Variants in GNA13 observed in about 807,000 individuals in gnomAD.
GNA13 encodes G protein subunit alpha 13.
GNA13 carries 4 observed loss-of-function variants against 33.5 expected under a neutral mutation model. The ratio of observed to expected loss-of-function variants is 0.12; its 90% CI spans 0.06 to 0.27. The LOEUF is 0.27. GNA13 is among the 10% of genes least tolerant of loss of function. The probability of loss-of-function intolerance (pLI) is 1.00; values close to 1 mark genes in which losing one functional copy is unlikely to be tolerated. For missense variants in GNA13, 319 were observed against 487.2 expected, an observed-to-expected ratio of 0.65 and a Z score of 3.25; for synonymous variants, 176 against 183.8, an observed-to-expected ratio of 0.96 and a Z score of 0.34.
intron 1 of GNA13, among the ~76,000 whole-genome samples, chr17:65,055,066 AGGGGGCGGGGG>A (rs1907993401): frequency 6.8e-5 from 1 of 14,800 alleles, no homozygotes; most frequent in Admixed American, 8.4e-4. Flanking sequence ...GTTGGCGGGG[AGGGGGCGGGGG>A]GGTGACATGC....
chr17:65,051,669 A>G (rs1028467730), intron 2 of GNA13, among the ~76,000 whole-genome samples: 1 of 152,200 alleles, frequency 6.6e-6, no homozygotes, highest in Non-Finnish European at 1.5e-5. Context: ...GGGTATATGG[A>G]AGAACTCATG....
In GNA13 at chr17:65,010,027, G is replaced by C. The variant is rs1598475146; in HGVS notation, c.*4230C>G. On this transcript the variant is annotated 3_prime_UTR_variant, in exon 4 of 4. Coordinates refer to ENST00000439174, the MANE Select transcript of GNA13 (RefSeq NM_006572.6). ...CTGTAAACTTTCATCATCAACAGCA[G>C]ATTTGTATATGTCACAAAACTCTCC... is the stretch of plus-strand genomic sequence containing the variant. Among the ~76,000 whole-genome samples the C allele has an allele frequency of 2.0e-5, 3 of 152,284 alleles. No homozygotes were observed. Among genetic ancestry groups the C allele is most frequent in the Admixed American group, 6.5e-5 (1 of 15,296 alleles).
At chr17:65,056,266 A>T in intron 1 of GNA13, 45 bp downstream of exon 1, 1 of 358,614 alleles carries the variant, frequency 2.8e-6, no homozygotes, top group Non-Finnish European at 4.5e-6. Flanking sequence ...CCGCCGCCCC[A>T]GCCCCCCTGC....
chr17:65,029,767 G>C (rs1906935236), intron 2 of GNA13, among the ~76,000 whole-genome samples: 2 of 152,122 alleles, frequency 1.3e-5, no homozygotes, highest in South Asian at 4.1e-4. Context: ...AACATCTGTT[G>C]AATTTTTTGT....
intron 2 of GNA13, among the ~76,000 whole-genome samples, chr17:65,042,357 CAA>C (rs369887415): frequency 8.2e-4 from 51 of 62,250 alleles, no homozygotes; most frequent in African/African-American, 1.1e-3. Flanking sequence ...AACTCCGTCT[CAA>C]AAAAAAAAAA....
intron 2 of GNA13, among the ~76,000 whole-genome samples, chr17:65,042,195 C>T (rs1907480415): frequency 6.6e-6 from 1 of 151,874 alleles, no homozygotes; most frequent in South Asian, 2.1e-4. Flanking sequence ...CTTGTCTCTA[C>T]TAAAAATACA....
intron 2 of GNA13, among the ~76,000 whole-genome samples, chr17:65,035,056 A>T (rs1036355971): frequency 1.6e-4 from 24 of 152,232 alleles, no homozygotes; most frequent in Non-Finnish European, 2.6e-4. Flanking sequence ...AAGTGTTGGG[A>T]TTACAGGCAT....
At position 65,033,944 on chromosome 17, in the gene GNA13, C is replaced by T. The variant is rs141282920; in HGVS notation, c.511-15641G>A. Reference sequence around the variant, plus strand: ...AGGAGAATCACTTGAACTCAGGAGGCGGAGGTTGCAGTGAGCCAAGATCAC... The same window carrying T: ...AGGAGAATCACTTGAACTCAGGAGGTGGAGGTTGCAGTGAGCCAAGATCAC... On this transcript the variant is annotated intron_variant, in intron 2 of 3. Coordinates refer to ENST00000439174, the MANE Select transcript of GNA13 (RefSeq NM_006572.6). Among the ~76,000 whole-genome samples the T allele has an allele frequency of 2.3e-3, 274 of 121,186 alleles. 2 individuals are homozygous for T. Among genetic ancestry groups the T allele is most frequent in the African/African-American group, 7.8e-3 (254 of 32,548 alleles). The allele number at this position is 121,186 out of a possible 152,430, so 79.5% of individuals were successfully genotyped here. A position where few individuals can be genotyped will look rare whatever the true frequency, so the allele number is the denominator to read the frequency against.
chr17:65,020,806 G>A (rs1431036394), intron 2 of GNA13, among the ~76,000 whole-genome samples: 1 of 151,708 alleles, frequency 6.6e-6, no homozygotes, highest in Non-Finnish European at 1.5e-5. Flanking sequence ...GTGTGCCTCC[G>A]CGCCTGGCTA....
intron 2 of GNA13, among the ~76,000 whole-genome samples, chr17:65,039,362 A>C (rs945500682): frequency 6.6e-6 from 1 of 152,154 alleles, no homozygotes; most frequent in Non-Finnish European, 1.5e-5. Context: ...TAACTTCCAC[A>C]CAGCAGCCTG....
chr17:65,028,973 A>G (rs1055973335), intron 2 of GNA13, among the ~76,000 whole-genome samples: 2 of 151,084 alleles, frequency 1.3e-5, no homozygotes, highest in Admixed American at 6.6e-5. Flanking sequence ...AAAGAAAAAG[A>G]AAAAAAAAGG....
At chr17:65,037,774 A>C (rs1328751946) in intron 2 of GNA13, among the ~76,000 whole-genome samples, 8 of 130,606 alleles carry the variant, frequency 6.1e-5, no homozygotes, top group African/African-American at 2.5e-4. Context: ...CCTCTACAAA[A>C]ATGGAAAAAA....
At chr17:65,056,263 C>A in intron 1 of GNA13, 48 bp downstream of exon 1, 1 of 1,267,172 alleles carries the variant, frequency 7.9e-7, no homozygotes, top group Non-Finnish European at 1.1e-6. Flanking sequence ...CCGCCGCCGC[C>A]CCAGCCCCCC....
intron 2 of GNA13, among the ~76,000 whole-genome samples, chr17:65,047,266 T>G (rs756480842): frequency 6.6e-6 from 1 of 152,172 alleles, no homozygotes; most frequent in African/African-American, 2.4e-5. Context: ...CTCACTACTG[T>G]AATCCCAGCA....
chr17:65,013,886 C>T lies in GNA13; in HGVS notation c.*371G>A, dbSNP rs563300701. The T allele has an allele frequency of 6.1e-5, 16 of 260,188 alleles. No homozygotes were observed. In the South Asian group the frequency reaches 1.7e-3, roughly 28 times the overall value. 16.1% of individuals were successfully genotyped at this position (260,188 alleles called of 1,614,324 possible). ...TTGTTTTGGAACTGAATATTCCTAA[C>T]CTCATCCCTACAAGTATTTAAGGAC... On this transcript the variant is annotated 3_prime_UTR_variant, in exon 4 of 4. Transcript: ENST00000439174.
rs778424474 is a variant in GNA13 at position 65,014,838 on chromosome 17, GA to G, written c.562-10del. ...TGTGATGGAATATAATCCTGGAAAA[GA>G]AAAAACTTGTTTTATACCTATTAAT... On this transcript the variant is annotated splice_polypyrimidine_tract_variant and intron_variant, in intron 3 of 3. Transcript: ENST00000439174. This position sits in a 1 kb window ranked among gnomAD's most constrained non-coding sequence, Gnocchi z 5.3. 15 of 1,575,232 alleles carry G rather than the reference GA, an allele frequency of 9.5e-6. No individual in the cohort carries two copies. Among genetic ancestry groups the G allele is most frequent in the Non-Finnish European group, 1.3e-5 (15 of 1,155,342 alleles).
intron 2 of GNA13, among the ~76,000 whole-genome samples, chr17:65,049,618 A>G (rs1374276031): frequency 3.3e-5 from 5 of 152,172 alleles, no homozygotes; most frequent in South Asian, 4.1e-4. Flanking sequence ...AGCAAAGGAC[A>G]CGGAGATCTC....
intron 2 of GNA13, among the ~76,000 whole-genome samples, chr17:65,050,305 G>C (rs1358289112): frequency 1.3e-5 from 2 of 152,248 alleles, no homozygotes; most frequent in Non-Finnish European, 2.9e-5. Flanking sequence ...TGATGACTTT[G>C]AGGAAAATTT....
intron 2 of GNA13, among the ~76,000 whole-genome samples, chr17:65,030,980 G>C (rs888722688): frequency 6.6e-5 from 10 of 152,148 alleles, no homozygotes; most frequent in African/African-American, 2.4e-4. Flanking sequence ...ATATTACCAA[G>C]ATAATTAAGT....
Sources: allele counts gnomAD v4.1 joint callset (sites outside exome capture counted in the v4.1 genomes callset), GRCh38; gene constraint gnomAD v4.1.1; non-coding constraint Gnocchi (gnomAD v3.1); transcripts MANE v1.5; gene names NCBI Gene and HGNC (gene_info 2026-07-23, HGNC 2026-07-21).